Variants in ZDHHC24 observed in about 807,000 individuals in gnomAD.
The protein encoded by ZDHHC24 is probable palmitoyltransferase ZDHHC24.
Under a neutral mutation model 23.2 loss-of-function variants are expected in ZDHHC24, and 17 were observed. The ratio of observed to expected loss-of-function variants is 0.73; its 90% CI spans 0.50 to 1.10. The LOEUF (loss-of-function observed/expected upper bound fraction) is 1.10, where lower values mean the gene tolerates loss of function less well. Among genes scored for constraint, ZDHHC24 ranks in the 50% least tolerant of loss-of-function variants. ZDHHC24 has a pLI of 0.00. For missense variants in ZDHHC24, 366 were observed against 393.0 expected (o/e 0.93, Z 0.58); for synonymous variants, 186 against 194.5 (o/e 0.96, Z 0.36).
downstream of ZDHHC24, chr11:66,532,135 G>T: frequency 7.7e-7 from 1 of 1,295,362 alleles, no homozygotes; most frequent in Non-Finnish European, 1.1e-6. Flanking sequence ...GTGTGCTGGG[G>T]CGACAGCTCG....
chr11:66,543,957 C>T lies in ZDHHC24; in HGVS notation c.306G>A (p.Gln102=), dbSNP rs1488546200. The part of the protein sequence containing the change: ...GWAYCYQCQS[Q]VPPRSGHCSA... ...AGCAGTGTCCGCTGCGTGGCGGCACCTGGCTTTGGCATTGGTAGCAGTAAC... is the reference window on the plus strand; with the variant it reads ...AGCAGTGTCCGCTGCGTGGCGGCACTTGGCTTTGGCATTGGTAGCAGTAAC... The change falls in exon 2 of 3, where the codon CAG becomes CAA. Residue 102 remains glutamine, a synonymous_variant. Transcript: ENST00000310442. The T allele has an allele frequency of 2.5e-6, 4 of 1,613,590 alleles. No homozygotes were observed. Among genetic ancestry groups the T allele is most frequent in the Non-Finnish European group, 2.5e-6 (3 of 1,179,704 alleles).
chr11:66,528,824 C>G (rs1856628113), intron 3 of ZDHHC24, among the ~76,000 whole-genome samples: 1 of 151,826 alleles, frequency 6.6e-6, no homozygotes, highest in African/African-American at 2.4e-5. Flanking sequence ...AAAAATTAGC[C>G]AGGCTTGGCG....
chr11:66,539,779 G>T lies in ZDHHC24; in HGVS notation c.605C>A (p.Thr202Lys). Residue 202 changes from threonine to lysine, a missense_variant, in exon 3 of 3, where the codon ACG becomes AAG. Transcript: ENST00000310442. The part of the protein sequence containing the change: ...AQFALAFVTD[T>K]CVAGALLCGA... ...GCACAGCAGCGCACCCGCCACGCACGTGTCCGTCACGAAGGCCAAGGCAAA... is the reference window on the plus strand; with the variant it reads ...GCACAGCAGCGCACCCGCCACGCACTTGTCCGTCACGAAGGCCAAGGCAAA... The T allele has an allele frequency of 6.2e-7, 1 of 1,611,998 alleles. No homozygotes were observed. Among genetic ancestry groups the T allele is most frequent in the African/African-American group, 1.3e-5 (1 of 75,012 alleles).
Position 66,539,958 on chromosome 11 carries a change from C to T in ZDHHC24, c.560-134G>A, listed in dbSNP as rs1472941254. 14 of 909,516 alleles carry T rather than the reference C, an allele frequency of 1.5e-5. No homozygotes were observed. In the East Asian group the frequency reaches 2.4e-4, roughly 16 times the overall value. The allele number at this position is 909,516 out of a possible 1,614,324, so 56.3% of individuals were successfully genotyped here. ...CTGTGTCGATACTCGCTGGCCAGCC[C>T]GTGCTGGGTGACAAGAACGCACTGG... On this transcript the variant is annotated intron_variant, in intron 2 of 2. Coordinates refer to ENST00000310442, the MANE Select transcript of ZDHHC24 (RefSeq NM_207340.3).
At position 66,523,493 on chromosome 11, in the gene ZDHHC24, G is replaced by A. The variant is rs759166794; in HGVS notation, c.*22-2027C>T. ...CCCCAAGTACTGCATCGAGCTGAGC[G>A]CCCAGCCTGTGGGACTTATCCGGGT... On this transcript the variant is annotated intron_variant, in intron 4 of 4. Coordinates refer to the ZDHHC24 transcript ENST00000526986. The A allele has an allele frequency of 5.6e-6, 9 of 1,614,068 alleles. No homozygotes were observed. The highest frequency in any genetic ancestry group is 3.3e-5 in the South Asian group (3 of 91,066).
rs1022011025 is a variant in ZDHHC24 at position 66,521,089 on chromosome 11, T to C, written c.*399A>G. On this transcript the variant is annotated 3_prime_UTR_variant, in exon 5 of 5. Transcript: ENST00000526986. ...CATCGTTTAGTCAAAAGGCACAGAC[T>C]AAAAGGCTTTTGCTAAATGTTGCCC... 9.1e-6 allele frequency: 6 copies of C among 660,772 alleles called. No homozygotes were observed. The African/African-American group carries it at 1.1e-4, about 12-fold the overall frequency. 40.9% of individuals were successfully genotyped at this position (660,772 alleles called of 1,614,324 possible).
chr11:66,529,717 C>T, intron 2 of ZDHHC24: 5 of 1,456,168 alleles, frequency 3.4e-6, no homozygotes, highest in South Asian at 3.4e-5. Context: ...GCACCCTCCT[C>T]TTGCACCCTC....
At chr11:66,529,639 C>T (rs1202257933) in intron 2 of ZDHHC24, among the ~76,000 whole-genome samples, 4 of 151,886 alleles carry the variant, frequency 2.6e-5, no homozygotes, top group African/African-American at 4.8e-5. Context: ...GGCGAGGCCA[C>T]GGCGTCGAGT....
intron 3 of ZDHHC24, among the ~76,000 whole-genome samples, chr11:66,528,596 G>C (rs1260215828): frequency 6.6e-6 from 1 of 152,156 alleles, no homozygotes; most frequent in Non-Finnish European, 1.5e-5. Flanking sequence ...TGTGTGAAAG[G>C]TGTCATTTTG....
At chr11:66,529,248 G>A (rs1856656776) in intron 3 of ZDHHC24, 6 of 1,516,096 alleles carry the variant, frequency 4.0e-6, no homozygotes, top group South Asian at 1.2e-5. Context: ...TCCTGCAAAC[G>A]GTGAGATGTG....
At chr11:66,521,369 C>T (rs753294240) in exon 5 of ZDHHC24, 1 of 1,613,924 alleles carries the variant, frequency 6.2e-7, no homozygotes, top group Non-Finnish European at 8.5e-7. Context: ...CATCTATATT[C>T]TGAGAAGGTA....
At chr11:66,526,021 A>G (rs1013044386) in intron 4 of ZDHHC24, 21 of 996,074 alleles carry the variant, frequency 2.1e-5, no homozygotes, top group African/African-American at 6.4e-5. Context: ...GCCTGTCTCT[A>G]TCACTTCTCA....
Position 66,544,258 on chromosome 11 carries a change from C to T in ZDHHC24, c.282-277G>A, listed in dbSNP as rs375208144. On this transcript the variant is annotated intron_variant, in intron 1 of 2. Transcript: ENST00000310442. ...AGCAGCAAATCCCTCCCTTCCTCCACGGTCACCCCTTTGTCCAGGTCACTA... is the reference window on the plus strand; with the variant it reads ...AGCAGCAAATCCCTCCCTTCCTCCATGGTCACCCCTTTGTCCAGGTCACTA... 8.5e-4 allele frequency among the ~76,000 whole-genome samples: 129 copies of T among 152,278 alleles called. 4 individuals are homozygous for T. The South Asian group carries it at 0.026, about 31-fold the overall frequency.
chr11:66,526,156 G>A lies in ZDHHC24; in HGVS notation c.*21+780C>T, dbSNP rs377297999. The A allele has an allele frequency of 3.8e-5, 62 of 1,614,068 alleles. No individual in the cohort carries two copies. The highest frequency in any genetic ancestry group is 4.2e-5 in the Non-Finnish European group (50 of 1,180,042). The stretch of plus-strand genomic sequence containing the variant: ...GACCAGCCTTTGCTTTGGCCGGTAC[G>A]GGCGGGAGGACAACACCCTCATCAT... On this transcript the variant is annotated intron_variant, in intron 4 of 4. Transcript: ENST00000526986.
At chr11:66,542,390 G>C (rs901012901) in intron 2 of ZDHHC24, 2 of 153,058 alleles carry the variant, frequency 1.3e-5, no homozygotes, top group Non-Finnish European at 2.9e-5. Context: ...GCTGGCAGGA[G>C]AATGGTGAGA....
intron 3 of ZDHHC24, among the ~76,000 whole-genome samples, chr11:66,527,293 T>C (rs1269795210): frequency 6.6e-6 from 1 of 152,046 alleles, no homozygotes; most frequent in East Asian, 1.9e-4. Flanking sequence ...CGTTTATTTG[T>C]TCATTCATTC....
In ZDHHC24 at chr11:66,545,597, A is replaced by T. The variant is rs1225670830; in HGVS notation, c.281+126T>A. ...TTCTAGCTCTTCCATCCCAGGTTCT[A>T]AAAAAATGTCTGATTCTAACAACCT... On this transcript the variant is annotated intron_variant, in intron 1 of 2. Transcript: ENST00000310442. This position sits in a 1 kb window ranked among gnomAD's most constrained non-coding sequence, Gnocchi z 4.5. 1.3e-5 allele frequency: 15 copies of T among 1,155,708 alleles called. No homozygotes were observed. Among genetic ancestry groups the T allele is most frequent in the Non-Finnish European group, 1.7e-5 (15 of 862,114 alleles). 71.6% of individuals were successfully genotyped at this position (1,155,708 alleles called of 1,614,324 possible).
chr11:66,544,031 A>T (rs1857237980), intron 1 of ZDHHC24, 50 bp from the exon 2 acceptor site: 1 of 1,597,700 alleles, frequency 6.3e-7, no homozygotes, highest in Non-Finnish European at 8.5e-7. Flanking sequence ...CAGATGCCCC[A>T]TATTGTGCAC....
At position 66,546,025 on chromosome 11, in the gene ZDHHC24, G is replaced by T; in HGVS notation, c.-22C>A. On this transcript the variant is annotated 5_prime_UTR_variant, in exon 1 of 3. Transcript: ENST00000310442. ...CCATGGCCTGGACACCCAGCTGTCG[G>T]AGCCGGAGGACTAGGCCGCTTCCGT... 7.3e-7 allele frequency: 1 copy of T among 1,377,456 alleles called. No individual in the cohort carries two copies. Among genetic ancestry groups the T allele is most frequent in the Non-Finnish European group, 9.3e-7 (1 of 1,074,488 alleles). The allele number at this position is 1,377,456 out of a possible 1,614,324, so 85.3% of individuals were successfully genotyped here. A position where few individuals can be genotyped will look rare whatever the true frequency, so the allele number is the denominator to read the frequency against.
Sources: allele counts gnomAD v4.1 joint callset (sites outside exome capture counted in the v4.1 genomes callset), GRCh38; gene constraint gnomAD v4.1.1; non-coding constraint Gnocchi (gnomAD v3.1); transcripts MANE v1.5; gene names NCBI Gene and HGNC (gene_info 2026-07-23, HGNC 2026-07-21).